Variants in TBC1D20 observed in about 807,000 individuals in gnomAD.
The protein encoded by TBC1D20 is TBC1 domain family member 20.
In TBC1D20, 12 loss-of-function variants were observed where a neutral mutation model predicts 41.6. That is an observed-to-expected ratio of 0.29 (90% CI 0.18 to 0.47). TBC1D20 has a LOEUF of 0.47. Among genes scored for constraint, TBC1D20 ranks in the 20% least tolerant of loss-of-function variants. The pLI, the probability that TBC1D20 is intolerant of heterozygous loss-of-function variation, is 1.00. For missense variants in TBC1D20, 421 were observed against 517.4 expected (o/e 0.81, Z 1.81); for synonymous variants, 205 against 204.8 (o/e 1.00, Z -0.01).
chr20:450,707 CAGTT>C (rs749924158), intron 1 of TBC1D20: 1 of 152,178 alleles, frequency 6.6e-6, no homozygotes, highest in Admixed American at 6.5e-5. Context: ...TGATTACAAT[CAGTT>C]AGATTTCTTT....
chr20:450,128 G>A (rs2017417805), intron 1 of TBC1D20, among the ~76,000 whole-genome samples: 1 of 151,828 alleles, frequency 6.6e-6, no homozygotes, highest in African/African-American at 2.4e-5. Flanking sequence ...ACTACAACTG[G>A]TAAAAACATT....
At chr20:440,652 A>G in intron 5 of TBC1D20, 1 of 381,474 alleles carries the variant, frequency 2.6e-6, no homozygotes, top group Admixed American at 4.3e-5. Flanking sequence ...AACTACAGGA[A>G]CGAGAAGCAG....
chr20:440,460 C>A, intron 5 of TBC1D20, 71 bp from the exon 6 acceptor site: 1 of 1,558,906 alleles, frequency 6.4e-7, no homozygotes, highest in South Asian at 1.2e-5. Flanking sequence ...CCTTATAGCG[C>A]TGGTGAGAAG....
rs1157479385 is a variant in TBC1D20 at position 453,540 on chromosome 20, A to ATTTTTTT, written c.71-5473_71-5467dup. ...CGGTGGCTCGTGCCTGTAATCCAGC[A>ATTTTTTT]TTTTTTTTTTTTTTTTTTTTTTTGA... On this transcript the variant is annotated intron_variant, in intron 1 of 7. Transcript: ENST00000354200. 2.5e-4 allele frequency among the ~76,000 whole-genome samples: 26 copies of ATTTTTTT among 105,802 alleles called. 1 individual carries two copies. The highest frequency in any genetic ancestry group is 9.0e-4 in the African/African-American group (23 of 25,500). The allele number at this position is 105,802 out of a possible 152,430, so 69.4% of individuals were successfully genotyped here. A position where few individuals can be genotyped will look rare whatever the true frequency, so the allele number is the denominator to read the frequency against.
At position 462,242 on chromosome 20, in the gene TBC1D20, A is replaced by G. The variant is rs2017645181; in HGVS notation, c.70+94T>C. On this transcript the variant is annotated intron_variant, in intron 1 of 7. Transcript: ENST00000354200. The stretch of plus-strand genomic sequence containing the variant: ...AACCCCGCAGCAGCCCCGGGTCCCC[A>G]GCCCGCGCCCCTCCGGCGCCGCCTC... 5.8e-6 allele frequency: 5 copies of G among 863,890 alleles called. No homozygotes were observed. In the Admixed American group the frequency reaches 2.1e-4, roughly 36 times the overall value. 53.5% of individuals were successfully genotyped at this position (863,890 alleles called of 1,614,324 possible).
chr20:451,992 A>G (rs1049997153), intron 1 of TBC1D20, among the ~76,000 whole-genome samples: 1 of 152,028 alleles, frequency 6.6e-6, no homozygotes, highest in Admixed American at 6.6e-5. Context: ...TAAAGATGAT[A>G]CTCTGCTTTA....
At chr20:459,367 T>C (rs1488719532) in intron 1 of TBC1D20, among the ~76,000 whole-genome samples, 1 of 152,242 alleles carries the variant, frequency 6.6e-6, no homozygotes, top group African/African-American at 2.4e-5. Context: ...AGGTAGAATG[T>C]ATGTCATTCT....
intron 4 of TBC1D20, 60 bp from the exon 5 acceptor site, chr20:441,749 G>A: frequency 6.3e-7 from 1 of 1,597,110 alleles, no homozygotes; most frequent in Non-Finnish European, 8.6e-7. Flanking sequence ...GCTCAGGGTG[G>A]CGAGGGCTCA....
chr20:439,579 A>C lies in TBC1D20; in HGVS notation c.769-284T>G, dbSNP rs2017187418. On this transcript the variant is annotated intron_variant, in intron 6 of 7. Transcript: ENST00000354200. This position sits in a 1 kb window ranked among gnomAD's most constrained non-coding sequence, Gnocchi z 4.6. ...GCTGGGCTGCTCAGGTGTCCCTTTA[A>C]GTCTTGAAAGAAATGAAGGAGATTC... Among the ~76,000 whole-genome samples the C allele has an allele frequency of 6.6e-6, 1 of 152,234 alleles. No homozygotes were observed. Among genetic ancestry groups the C allele is most frequent in the Non-Finnish European group, 1.5e-5 (1 of 68,046 alleles).
intron 3 of TBC1D20, 31 bp from the exon 4 acceptor site, chr20:442,074 A>G (rs769069779): frequency 2.6e-6 from 4 of 1,552,996 alleles, no homozygotes; most frequent in Non-Finnish European, 2.6e-6. Flanking sequence ...GCCTTTGAAC[A>G]TACCAAGCAG....
In TBC1D20 at chr20:439,299, T is replaced by C; in HGVS notation, c.769-4A>G. On this transcript the variant is annotated splice_polypyrimidine_tract_variant and splice_region_variant and intron_variant, in intron 6 of 7. Transcript: ENST00000354200. This position sits in a 1 kb window ranked among gnomAD's most constrained non-coding sequence, Gnocchi z 4.6. ...CCTGCTCGCGATACAACACAATCTG[T>C]GGGGAGGTAGTAAAGCCTTGCAGTC... 1 of 1,600,976 alleles carries C rather than the reference T, an allele frequency of 6.2e-7. No homozygotes were observed. The highest frequency in any genetic ancestry group is 8.5e-7 in the Non-Finnish European group (1 of 1,173,138).
intron 2 of TBC1D20, among the ~76,000 whole-genome samples, chr20:447,580 C>T (rs2017360222): frequency 6.6e-6 from 1 of 152,034 alleles, no homozygotes; most frequent in Admixed American, 6.5e-5. Context: ...ATTGCTTGAA[C>T]CCAGGGGGCA....
At chr20:452,849 T>C (rs1017552580) in intron 1 of TBC1D20, among the ~76,000 whole-genome samples, 8 of 152,142 alleles carry the variant, frequency 5.3e-5, no homozygotes, top group African/African-American at 1.7e-4. Flanking sequence ...TGGTGACCTG[T>C]CTCTAAAAAC....
intron 1 of TBC1D20, among the ~76,000 whole-genome samples, chr20:453,075 G>A (rs2017472948): frequency 7.0e-6 from 1 of 142,534 alleles, no homozygotes; most frequent in Admixed American, 7.6e-5. Context: ...GAACCCAGGG[G>A]GCGGAGATTG....
At chr20:443,944 T>C (rs1461764975) in intron 3 of TBC1D20, among the ~76,000 whole-genome samples, 1 of 151,804 alleles carries the variant, frequency 6.6e-6, no homozygotes, top group Non-Finnish European at 1.5e-5. Flanking sequence ...GCCAACATGG[T>C]GAAACCCCAT....
rs1347106294 is a variant in TBC1D20, at chr20:439,670, AAACAGTAG to A, written c.769-383_769-376del. ...GCTCCAGCATAGAAGAAATGGTTCA[AAACAGTAG>A]AAAGAACAGTCTTGCTCCCTTTAAG... On this transcript the variant is annotated intron_variant, in intron 6 of 7. Transcript: ENST00000354200. The surrounding 1 kb of genome is among the most constrained non-coding windows in gnomAD (Gnocchi z 4.6). 5.9e-5 allele frequency among the ~76,000 whole-genome samples: 9 copies of A among 152,218 alleles called. No homozygotes were observed. Among genetic ancestry groups the A allele is most frequent in the African/African-American group, 1.7e-4 (7 of 41,464 alleles).
In TBC1D20 at chr20:448,035, T is replaced by C. The variant is rs778235577; in HGVS notation, c.110A>G (p.His37Arg). The change falls in exon 2 of 8, where the codon CAC becomes CGC. Residue 37 changes from histidine (H) to arginine (R), a missense_variant. His to Arg is a conservative substitution (Grantham distance 29). Transcript: ENST00000354200. Reference protein sequence around the residue: ...AKRKKKVAEIHQALNSDPTDV... With the variant: ...AKRKKKVAEIRQALNSDPTDV... ...AGTGGGATCACTGTTCAGAGCCTGG[T>C]GTATCTCTGCCACTTTCTTTTTCCT... 1 of 1,614,042 alleles carries C rather than the reference T, an allele frequency of 6.2e-7. No homozygotes were observed. Among genetic ancestry groups the C allele is most frequent in the East Asian group, 2.2e-5 (1 of 44,882 alleles).
chr20:448,576 C>A (rs1320101762), intron 1 of TBC1D20, among the ~76,000 whole-genome samples: 2 of 151,538 alleles, frequency 1.3e-5, no homozygotes, highest in African/African-American at 4.8e-5. Flanking sequence ...GTAGTCCCAG[C>A]TACTCAGGAG....
At chr20:461,919 G>A (rs2122436414) in intron 1 of TBC1D20, among the ~76,000 whole-genome samples, 1 of 152,386 alleles carries the variant, frequency 6.6e-6, no homozygotes, top group East Asian at 1.9e-4. Flanking sequence ...TCAAGCCGGC[G>A]ACGGTGAATG....
Sources: gnomAD v4.1 joint callset for allele counts (sites outside exome capture counted in the v4.1 genomes callset) on GRCh38, gnomAD v4.1.1 for gene constraint, Gnocchi (gnomAD v3.1) non-coding constraint, MANE v1.5 for transcripts, NCBI Gene and HGNC (gene_info 2026-07-23, HGNC 2026-07-21) for gene names.